Variants in PRCD observed in about 807,000 individuals in gnomAD.
PRCD encodes the protein photoreceptor disk component PRCD.
In PRCD, 12 loss-of-function variants were observed where a neutral mutation model predicts 10.1. That is an observed-to-expected ratio of 1.18 (90% CI 0.76 to 1.92). PRCD has a LOEUF of 1.92. PRCD is among the 40% of genes most tolerant of loss of function. PRCD has a pLI of 0.00. For synonymous variants in PRCD, 31 were observed against 26.2 expected (o/e 1.18, Z -0.56); for missense variants, 61 against 72.2 (o/e 0.84, Z 0.56).
downstream of PRCD, chr17:76,545,541 C>G (rs1177267783): frequency 2.8e-6 from 1 of 353,628 alleles, no homozygotes; most frequent in Non-Finnish European, 5.6e-6. Context: ...GTGCTGGCTA[C>G]TGTGAAATAA....
upstream of PRCD, chr17:76,537,476 C>G (rs2074931729): frequency 1.3e-6 from 2 of 1,593,772 alleles, no homozygotes; most frequent in Non-Finnish European, 1.7e-6. Flanking sequence ...GCCTTCCTCT[C>G]CGCCTCGGAC....
downstream of PRCD, among the ~76,000 whole-genome samples, chr17:76,548,338 G>A (rs2075076771): frequency 6.6e-6 from 1 of 152,218 alleles, no homozygotes; most frequent in Non-Finnish European, 1.5e-5. Flanking sequence ...AGAGGCAGAA[G>A]CCATTTGAAC....
intron 1 of PRCD, among the ~76,000 whole-genome samples, chr17:76,534,147 T>TCTCTCC (rs2074886721): frequency 1.1e-3 from 5 of 4,684 alleles, no homozygotes; most frequent in Admixed American, 5.2e-3. Context: ...TCTTTCTCTT[T>TCTCTCC]CTCTCTCTCT....
intron 4 of PRCD, 132 bp from the exon 5 acceptor site, chr17:76,543,671 G>T (rs559238918): frequency 2.3e-6 from 1 of 442,246 alleles, no homozygotes; most frequent in African/African-American, 2.0e-5. Context: ...CAGGGGTTGG[G>T]GGTGGTTTGC....
At position 76,528,784 on chromosome 17, in the gene PRCD, C is replaced by G. The variant is rs549032633; in HGVS notation, n.45+951C>G. The G allele has an allele frequency of 9.8e-7, 1 of 1,016,450 alleles. No homozygotes were observed. The highest frequency in any genetic ancestry group is 1.3e-6 in the Non-Finnish European group (1 of 786,384). 63.0% of individuals were successfully genotyped at this position (1,016,450 alleles called of 1,614,324 possible). A position where few individuals can be genotyped will look rare whatever the true frequency, so the allele number is the denominator to read the frequency against. ...GTTCTAGTCTCCGTCCTGCTACGAA[C>G]GTGCTGTGTGATCTCAGGCAAGTCT... On this transcript the variant is annotated intron_variant and non_coding_transcript_variant, in intron 1 of 4. Transcript: ENST00000397633. This position sits in a 1 kb window ranked among gnomAD's most constrained non-coding sequence, Gnocchi z 5.8.
exon 2 of PRCD, chr17:76,553,567 G>C (rs2075130984): frequency 6.6e-6 from 1 of 152,064 alleles, no homozygotes; most frequent in Non-Finnish European, 1.5e-5. Context: ...TTGCTTTCTG[G>C]GTAGAGAAAT....
At position 76,544,340 on chromosome 17, in the gene PRCD, A is replaced by G. The variant is rs1011287370; in HGVS notation, c.*690A>G. The G allele has an allele frequency of 2.2e-6, 1 of 454,326 alleles. No individual in the cohort carries two copies. The highest frequency in any genetic ancestry group is 4.4e-6 in the Non-Finnish European group (1 of 226,822). The allele number at this position is 454,326 out of a possible 1,614,324, so 28.1% of individuals were successfully genotyped here. A position where few individuals can be genotyped will look rare whatever the true frequency, so the allele number is the denominator to read the frequency against. Reference sequence around the variant, plus strand: ...TCTAGACAGCAGCACTTCAGCCGCCACTCTGCCTCTGAAGGGAAGGAAGGG... The same window carrying G: ...TCTAGACAGCAGCACTTCAGCCGCCGCTCTGCCTCTGAAGGGAAGGAAGGG... On this transcript the variant is annotated 3_prime_UTR_variant, in exon 5 of 5. Transcript: ENST00000592014.
At position 76,540,247 on chromosome 17, in the gene PRCD, TG is replaced by T. The variant is rs1312696539; in HGVS notation, c.74+34del. On this transcript the variant is annotated intron_variant, in intron 1 of 4. Transcript: ENST00000592014. This position sits in a 1 kb window ranked among gnomAD's most constrained non-coding sequence, Gnocchi z 5.0. ...AACTGACCGGGCTATGGCTGGCGGT[TG>T]GTCGGGGGGGGGGGGCATGGGGCTG... 3.7e-5 allele frequency: 8 copies of T among 218,312 alleles called. No individual in the cohort carries two copies. The highest frequency in any genetic ancestry group is 1.2e-4 in the African/African-American group (1 of 8,262). The allele number at this position is 218,312 out of a possible 1,614,324, so 13.5% of individuals were successfully genotyped here.
At position 76,528,830 on chromosome 17, in the gene PRCD, G is replaced by T; in HGVS notation, n.45+997G>T. On this transcript the variant is annotated intron_variant and non_coding_transcript_variant, in intron 1 of 4. Transcript: ENST00000397633. This position sits in a 1 kb window ranked among gnomAD's most constrained non-coding sequence, Gnocchi z 5.8. ...AGTCTACTGGCCCATGGGAGCTCCG[G>T]ATCTTTTTCTCTAAAATGTGAATAA... 8.4e-7 allele frequency: 1 copy of T among 1,191,386 alleles called. No homozygotes were observed. 73.8% of individuals were successfully genotyped at this position (1,191,386 alleles called of 1,614,324 possible).
Position 76,540,587 on chromosome 17 carries a change from C to G in PRCD, c.143+14C>G. 2 of 1,612,458 alleles carry G rather than the reference C, an allele frequency of 1.2e-6. No individual in the cohort carries two copies. Among genetic ancestry groups the G allele is most frequent in the Non-Finnish European group, 1.7e-6 (2 of 1,179,256 alleles). ...GTCCTCAGGCAGGTAAGGCAGGAGT[C>G]TGGGCTGGGGGAGGGAGGGTGCTGC... is the stretch of plus-strand genomic sequence containing the variant. On this transcript the variant is annotated intron_variant, in intron 2 of 4. Transcript: ENST00000592014. This position sits in a 1 kb window ranked among gnomAD's most constrained non-coding sequence, Gnocchi z 5.0.
At chr17:76,542,654 G>T in intron 3 of PRCD, 21 bp downstream of exon 3, 1 of 1,520,594 alleles carries the variant, frequency 6.6e-7, no homozygotes, top group South Asian at 1.1e-5. Flanking sequence ...GCTGGGAGCC[G>T]GGGAGGGCAG....
chr17:76,537,324 C>G (rs985705126), upstream of PRCD: 13 of 1,429,842 alleles, frequency 9.1e-6, no homozygotes, highest in African/African-American at 1.8e-4. Context: ...AGCTCGGACC[C>G]GGGCCCAGCC....
At chr17:76,547,799 T>G (rs55735645), downstream of PRCD, among the ~76,000 whole-genome samples, 95,354 of 149,244 alleles carry the variant, frequency 0.64, 33,564 homozygotes, top group East Asian at 0.87. Context: ...CATACACACA[T>G]TCACAGAGAC....
chr17:76,529,822 C>T, intron 1 of PRCD: 5 of 985,330 alleles, frequency 5.1e-6, no homozygotes, highest in Non-Finnish European at 6.0e-6. Context: ...CTCAGGCAGG[C>T]CAGGGCCCAG....
chr17:76,527,890 G>A (rs2074785882), intron 1 of PRCD: 1 of 437,826 alleles, frequency 2.3e-6, no homozygotes, highest in Non-Finnish European at 4.6e-6. Context: ...CCTGGAAGTG[G>A]AATTCAGGAA....
rs1216808683 is a variant in PRCD at position 76,544,382 on chromosome 17, C to T, written c.*732C>T. Reference sequence around the variant, plus strand: ...AAGGAAGGGAAAGGGTGAGGGATGCCGCAGAGCAGAGGGAACCGCTGGGGA... The same window carrying T: ...AAGGAAGGGAAAGGGTGAGGGATGCTGCAGAGCAGAGGGAACCGCTGGGGA... On this transcript the variant is annotated 3_prime_UTR_variant, in exon 5 of 5. Transcript: ENST00000592014. 12 of 454,802 alleles carry T rather than the reference C, an allele frequency of 2.6e-5. No homozygotes were observed. The highest frequency in any genetic ancestry group is 4.7e-5 in the Admixed American group (2 of 42,584). The allele number at this position is 454,802 out of a possible 1,614,324, so 28.2% of individuals were successfully genotyped here. A position where few individuals can be genotyped will look rare whatever the true frequency, so the allele number is the denominator to read the frequency against.
In PRCD at chr17:76,531,325, G is replaced by C. The variant is rs552555337; in HGVS notation, n.45+3492G>C. On this transcript the variant is annotated intron_variant and non_coding_transcript_variant, in intron 1 of 4. Coordinates refer to the PRCD transcript ENST00000397633. The surrounding 1 kb of genome is among the most constrained non-coding windows in gnomAD (Gnocchi z 7.4). Reference sequence around the variant, plus strand: ...GACCCAGCCCCTCCATCCTGCTGCCGGGCACTGCCCCTCCCTCTCGCAGCC... The same window carrying C: ...GACCCAGCCCCTCCATCCTGCTGCCCGGCACTGCCCCTCCCTCTCGCAGCC... The C allele has an allele frequency of 1.8e-5, 22 of 1,246,850 alleles. No homozygotes were observed. The African/African-American group carries it at 2.2e-4, about 13-fold the overall frequency. 77.2% of individuals were successfully genotyped at this position (1,246,850 alleles called of 1,614,324 possible).
chr17:76,532,865 G>C, intron 1 of PRCD, among the ~76,000 whole-genome samples: 1 of 152,240 alleles, frequency 6.6e-6, no homozygotes, highest in East Asian at 1.9e-4. Flanking sequence ...TCCCCTCCCT[G>C]TCGGGGCTGG....
chr17:76,548,316 A>T (rs2075076495), downstream of PRCD, among the ~76,000 whole-genome samples: 1 of 152,272 alleles, frequency 6.6e-6, no homozygotes, highest in Non-Finnish European at 1.5e-5. Context: ...AAATACACAC[A>T]GTATCATATG....
Sources: gnomAD v4.1 joint callset for allele counts (sites outside exome capture counted in the v4.1 genomes callset) on GRCh38, gnomAD v4.1.1 for gene constraint, Gnocchi (gnomAD v3.1) non-coding constraint, MANE v1.5 for transcripts, NCBI Gene and HGNC (gene_info 2026-07-23, HGNC 2026-07-21) for gene names.